Variants in F5 observed in about 807,000 individuals in gnomAD.
The protein encoded by F5 is coagulation factor V, also known as activated protein c cofactor.
F5 carries 138 observed loss-of-function variants against 216.4 expected under a neutral mutation model. The observed-to-expected ratio is 0.64, with a 90% confidence interval of 0.56 to 0.73. The LOEUF (loss-of-function observed/expected upper bound fraction) is 0.73. Among genes scored for constraint, F5 ranks in the 30% least tolerant of loss-of-function variants. F5 has a pLI of 0.00. For missense variants in F5, 2,403 were observed against 2,674.0 expected (o/e 0.90, Z 2.24); for synonymous variants, 916 against 930.7 (o/e 0.98, Z 0.29).
At chr1:169,574,140 T>A (rs1378965002) in intron 2 of F5, among the ~76,000 whole-genome samples, 3 of 152,130 alleles carry the variant, frequency 2.0e-5, no homozygotes, top group African/African-American at 7.2e-5. Flanking sequence ...ACTATGAAAT[T>A]TTATATAAGG....
rs377540855 is a variant in F5 at position 169,574,999 on chromosome 1, T to G, written c.251-2656A>C. Among the ~76,000 whole-genome samples the G allele has an allele frequency of 2.4e-3, 363 of 152,280 alleles. 2 individuals are homozygous for G. Among genetic ancestry groups the G allele is most frequent in the African/African-American group, 8.3e-3 (343 of 41,558 alleles). ...TTTATAGTTCTATAACTTTATACGT[T>G]TTTATAGTAGGAAAGACAGATTTTA... On this transcript the variant is annotated intron_variant, in intron 2 of 24. Coordinates refer to ENST00000367797, the MANE Select transcript of F5 (RefSeq NM_000130.5).
intron 6 of F5, 137 bp from the exon 7 acceptor site, chr1:169,555,484 G>A: frequency 1.0e-6 from 1 of 973,260 alleles, no homozygotes; most frequent in Non-Finnish European, 1.6e-6. Context: ...GGCAATTTTT[G>A]AACATTTTAG....
chr1:169,568,247 A>G (rs1364361409), intron 3 of F5, among the ~76,000 whole-genome samples: 1 of 152,136 alleles, frequency 6.6e-6, no homozygotes, highest in Non-Finnish European at 1.5e-5. Context: ...GTATACTACT[A>G]AAAGTTGAAT....
chr1:169,514,562 G>C (rs1221307483), intron 24 of F5, 103 bp from the exon 25 acceptor site: 4 of 939,804 alleles, frequency 4.3e-6, no homozygotes, highest in Non-Finnish European at 6.6e-6. Flanking sequence ...GCCCAGGCTT[G>C]AGTCCAGTGG....
At chr1:169,555,427 C>T in intron 6 of F5, 80 bp from the exon 7 acceptor site, 2 of 1,408,852 alleles carry the variant, frequency 1.4e-6, no homozygotes, top group Non-Finnish European at 2.0e-6. Flanking sequence ...TTTAAATCAA[C>T]TTGTGGAAGG....
chr1:169,519,055 G>A (rs879787630), intron 22 of F5, among the ~76,000 whole-genome samples: 7 of 152,076 alleles, frequency 4.6e-5, no homozygotes, highest in South Asian at 2.1e-4. Context: ...AGGGTAATTC[G>A]AGTTATGTAC....
Position 169,536,600 on chromosome 1 carries a change from CT to C in F5, c.4876del (p.Ser1626AlafsTer38), listed in dbSNP as rs748030997. ...KKVVFRKYLD[S>X]TFTKRDPRGE... ...TCGAGGATCACGTTTGGTAAAAGTG[CT>C]GTCGAGGTACTTTCGAAAAACTACT... On this transcript the variant is annotated frameshift_variant, in exon 14 of 25. Transcript: ENST00000367797. LOFTEE classifies it high-confidence loss of function. 4.3e-6 allele frequency: 7 copies of C among 1,613,394 alleles called. No individual in the cohort carries two copies. The Admixed American group carries it at 5.0e-5, about 12-fold the overall frequency.
Position 169,552,734 on chromosome 1 carries a change from T to A in F5, c.1119A>T (p.Lys373Asn). 6.2e-7 allele frequency: 1 copy of A among 1,608,182 alleles called. No individual in the cohort carries two copies. Among genetic ancestry groups the A allele is most frequent in the Admixed American group, 1.7e-5 (1 of 59,970 alleles). Reference sequence around the variant, plus strand: ...TATCCAAATGCTGAGACCTGTATTTTCTTAAAGTGAAGTAAAAAAAAATTA... The same window carrying A: ...TATCCAAATGCTGAGACCTGTATTTACTTAAAGTGAAGTAAAAAAAAATTA... ...YAPVIPANMDKKYRSQHLDNF... is the reference protein window; with the variant it reads ...YAPVIPANMDNKYRSQHLDNF... The change falls in exon 8 of 25, where the codon AAA (lysine) becomes AAT (asparagine). Residue 373 changes from lysine (K) to asparagine (N), a missense_variant and splice_region_variant. By Grantham distance (94) the Lys-to-Asn change is moderately conservative (BLOSUM62 0). Around this residue, in one of 4 missense-constraint regions of F5, gnomAD observed 1,425 missense variants for 1,554.8 expected, o/e 0.92. Coordinates refer to ENST00000367797, the MANE Select transcript of F5 (RefSeq NM_000130.5).
At chr1:169,535,083 G>T (rs9332615) in intron 14 of F5, among the ~76,000 whole-genome samples, 8,513 of 152,180 alleles carry the variant, frequency 0.056, 352 homozygotes, top group Admixed American at 0.1. Flanking sequence ...TACTATGCAC[G>T]CTACTTGGAT....
At chr1:169,553,305 A>T (rs1050392459) in intron 7 of F5, among the ~76,000 whole-genome samples, 1 of 152,202 alleles carries the variant, frequency 6.6e-6, no homozygotes, top group Non-Finnish European at 1.5e-5. Context: ...AACATGAACC[A>T]CTTTTCCCCT....
At position 169,586,255 on chromosome 1, in the gene F5, G is replaced by T; in HGVS notation, c.132C>A (p.Ser44Arg). 6.2e-7 allele frequency: 1 copy of T among 1,614,166 alleles called. No homozygotes were observed. The highest frequency in any genetic ancestry group is 8.5e-7 in the Non-Finnish European group (1 of 1,180,034). The change falls in exon 1 of 25, where the codon AGC becomes AGA. Residue 44 changes from serine to arginine, a missense_variant. By Grantham distance (110) the Ser-to-Arg change is moderately radical. Transcript: ENST00000367797. The part of the protein sequence containing the change: ...FYVAAQGISW[S>R]YRPEPTNSSL... ...TTGAGTTTGTGGGCTCAGGTCGGTA[G>T]CTCCAACTGATGCCCTGAGCAGCCA...
chr1:169,524,880 A>C lies in F5; in HGVS notation c.5745T>G (p.Thr1915=). The C allele has an allele frequency of 6.2e-7, 1 of 1,613,824 alleles. No homozygotes were observed. ...TGATCTGTGAATCAGATATGATACC[A>C]GTGCTTAGTCCCATTGGCATCCTAC... ...RDCRMPMGLS[T]GIISDSQIKA... is the part of the protein sequence containing the mutation. Residue 1915 remains threonine, a synonymous_variant, in exon 19 of 25, where the codon ACT becomes ACG. Coordinates refer to ENST00000367797, the MANE Select transcript of F5 (RefSeq NM_000130.5).
intron 12 of F5, 63 bp from the exon 13 acceptor site, chr1:169,543,177 T>TGGATTATTGTGTTTTC: frequency 2.0e-6 from 3 of 1,465,722 alleles, no homozygotes; most frequent in Non-Finnish European, 2.8e-6. Context: ...GAAAACACAA[T>TGGATTATTGTGTTTTC]AATCCATTGT....
At chr1:169,518,323 G>T in intron 23 of F5, 89 bp downstream of exon 23, 2 of 1,489,836 alleles carry the variant, frequency 1.3e-6, no homozygotes, top group Non-Finnish European at 1.9e-6. Flanking sequence ...AAATACTCCT[G>T]CTTCCCAGAT....
chr1:169,532,893 G>A (rs754537498), intron 14 of F5, among the ~76,000 whole-genome samples: 1 of 151,936 alleles, frequency 6.6e-6, no homozygotes, highest in Non-Finnish European at 1.5e-5. Flanking sequence ...AATTCATATG[G>A]AATCAAAAAA....
chr1:169,559,377 G>A, intron 4 of F5, 81 bp from the exon 5 acceptor site: 1 of 1,387,688 alleles, frequency 7.2e-7, no homozygotes, highest in East Asian at 2.3e-5. Context: ...AAGAGTTTAG[G>A]GCAAGCAATC....
intron 2 of F5, among the ~76,000 whole-genome samples, chr1:169,577,019 T>C (rs1557933434): frequency 6.6e-6 from 1 of 152,188 alleles, no homozygotes; most frequent in Non-Finnish European, 1.5e-5. Context: ...CTTTCACGCA[T>C]GTAGGAAAAC....
chr1:169,543,224 T>TTTCTCTGTCG, intron 12 of F5, 110 bp from the exon 13 acceptor site: 1 of 984,440 alleles, frequency 1.0e-6, no homozygotes, highest in African/African-American at 1.6e-5. Context: ...TCAGGAATAT[T>TTTCTCTGTCG]CAAGTATGGG....
Position 169,530,937 on chromosome 1 carries a change from TA to T in F5, c.5056del (p.Tyr1686MetfsTer49), listed in dbSNP as rs746978299. On this transcript the variant is annotated frameshift_variant, in exon 15 of 25. Transcript: ENST00000367797. LOFTEE classifies it high-confidence loss of function. The stretch of plus-strand genomic sequence containing the variant: ...AAACCATTCAGGAGAGTCATCTTCA[TA>T]AGTCTTTCCCTCTGATGATTTTTCA... ...SYEKSSEGKT[Y>X]EDDSPEWFKE... 1 of 1,613,934 alleles carries T rather than the reference TA, an allele frequency of 6.2e-7. No homozygotes were observed. The highest frequency in any genetic ancestry group is 8.5e-7 in the Non-Finnish European group (1 of 1,179,850).
Sources: allele counts gnomAD v4.1 joint callset (sites outside exome capture counted in the v4.1 genomes callset), GRCh38; gene constraint gnomAD v4.1.1; regional missense constraint gnomAD v4.1.1; transcripts MANE v1.5; gene names NCBI Gene and HGNC (gene_info 2026-07-23, HGNC 2026-07-21).